The following DMD variants were observed in gnomAD, a reference collection of about 807,000 sequenced individuals.
DMD encodes the protein mutant dystrophin.
Under a neutral mutation model 330.1 loss-of-function variants are expected in DMD, and 63 were observed. That is an observed-to-expected ratio of 0.19 (90% confidence interval 0.16 to 0.24). The LOEUF (loss-of-function observed/expected upper bound fraction) is 0.24. Among genes scored for constraint, DMD ranks in the 10% least tolerant of loss-of-function variants. The probability of loss-of-function intolerance (pLI) is 1.00; values close to 1 mark genes in which losing one functional copy is unlikely to be tolerated. For missense variants in DMD, 3,344 were observed against 2,684.1 expected (o/e 1.25, Z -5.43); for synonymous variants, 1,223 against 959.8 (o/e 1.27, Z -5.07).
intron 17 of DMD, among the ~76,000 whole-genome samples, chrX:32,525,210 G>A (rs916217666): frequency 8.9e-5 from 10 of 111,775 alleles, no homozygotes; most frequent in African/African-American, 3.3e-4. Context: ...AAACATCTCT[G>A]ATTTCCTTGC....
intron 4 of DMD, among the ~76,000 whole-genome samples, chrX:32,827,647 G>T (rs1427332707): frequency 1.1e-5 from 1 of 89,127 alleles, no homozygotes; most frequent in Non-Finnish European, 2.1e-5. Flanking sequence ...ATGTGTTCTT[G>T]TTATTAACTC....
intron 16 of DMD, among the ~76,000 whole-genome samples, chrX:32,564,007 TCCTCCCAC>T (rs2051378676): frequency 1.8e-5 from 2 of 111,528 alleles, no homozygotes; most frequent in South Asian, 7.4e-4. Context: ...CTCATCTACT[TCCTCCCAC>T]CCTCCCACCT....
chrX:32,356,327 G>C (rs946338609), intron 37 of DMD, among the ~76,000 whole-genome samples: 5 of 92,884 alleles, frequency 5.4e-5, no homozygotes, highest in Non-Finnish European at 8.2e-5. Context: ...ACTTGTGAAA[G>C]TCTCTTATCC....
intron 2 of DMD, among the ~76,000 whole-genome samples, chrX:32,978,358 A>G (rs936481587): frequency 1.8e-5 from 2 of 112,407 alleles, no homozygotes; most frequent in African/African-American, 6.5e-5. Context: ...ATTTATATTA[A>G]ATATTTTCCA....
chrX:31,794,774 T>C (rs892342179), intron 50 of DMD, among the ~76,000 whole-genome samples: 1 of 110,086 alleles, frequency 9.1e-6, no homozygotes, highest in Non-Finnish European at 1.9e-5. Context: ...GTTAAACCAA[T>C]TGTTTAAAAA....
At chrX:32,258,778 G>A (rs767219827) in intron 43 of DMD, among the ~76,000 whole-genome samples, 4 of 110,789 alleles carry the variant, frequency 3.6e-5, no homozygotes, top group South Asian at 3.8e-4. Flanking sequence ...AAACCTGCCC[G>A]TTCTGCACGT....
At chrX:32,389,932 AC>A (rs1420667507) in intron 31 of DMD, 138 bp downstream of exon 31, 4 of 554,294 alleles carry the variant, frequency 7.2e-6, no homozygotes, top group Non-Finnish European at 1.2e-5. Flanking sequence ...AGAGCAAAAC[AC>A]TCATTGTTTA....
rs200203675 is a variant in DMD, at chrX:32,374,148, G to GT, written c.4845+6361dup. ...ACGTTCTTTGTCCTGTTTTTAATCT[G>GT]TTTTTTTTTAATTTCTTGTTGACAA... On this transcript the variant is annotated intron_variant, in intron 34 of 78. Coordinates refer to ENST00000357033, the MANE Select transcript of DMD (RefSeq NM_004006.3). Among the ~76,000 whole-genome samples the GT allele has an allele frequency of 2.5e-3, 271 of 108,622 alleles. 2 individuals are homozygous for GT. The highest frequency in any genetic ancestry group is 0.019 in the East Asian group (64 of 3,448). 94.3% of individuals were successfully genotyped at this position (108,622 alleles called of 115,157 possible). A position where few individuals can be genotyped will look rare whatever the true frequency, so the allele number is the denominator to read the frequency against.
rs1048419118 is a variant in DMD, at chrX:31,513,615, T to C, written c.8218-6162A>G. Among the ~76,000 whole-genome samples, 3 of 112,067 alleles carry C rather than the reference T, an allele frequency of 2.7e-5. No individual in the cohort carries two copies. The East Asian group carries it at 8.4e-4, about 31-fold the overall frequency. On this transcript the variant is annotated intron_variant, in intron 55 of 78. Transcript: ENST00000357033. ...CAAGCCTTCATTACTGCATTCACTGTATGCTCTCTAATTTTTTTCTTCTTT... is the reference window on the plus strand; with the variant it reads ...CAAGCCTTCATTACTGCATTCACTGCATGCTCTCTAATTTTTTTCTTCTTT...
intron 47 of DMD, among the ~76,000 whole-genome samples, chrX:31,929,175 G>C (rs928842305): frequency 2.7e-5 from 3 of 111,723 alleles, no homozygotes; most frequent in Admixed American, 1.9e-4. Context: ...TGTGGCGAAC[G>C]TTAGTGTACA....
At chrX:32,773,140 A>C (rs766625288) in intron 7 of DMD, among the ~76,000 whole-genome samples, 1 of 112,288 alleles carries the variant, frequency 8.9e-6, no homozygotes, top group African/African-American at 3.2e-5. Flanking sequence ...AACACCTTTG[A>C]CTGGAGGACA....
At chrX:32,985,562 C>T (rs1317138949) in intron 2 of DMD, among the ~76,000 whole-genome samples, 2 of 111,632 alleles carry the variant, frequency 1.8e-5, no homozygotes, top group South Asian at 3.7e-4. Context: ...AGTTTACTCC[C>T]GGAGAACCTT....
intron 60 of DMD, among the ~76,000 whole-genome samples, chrX:31,400,270 C>T (rs186995339): frequency 1.5e-3 from 170 of 111,580 alleles, no homozygotes; most frequent in African/African-American, 4.0e-3. Flanking sequence ...TTTGGAAAGG[C>T]GAATCAGATA....
chrX:32,605,782 CAT>C (rs34382557), intron 12 of DMD, among the ~76,000 whole-genome samples: 15,287 of 109,973 alleles, frequency 0.14, 885 homozygotes, highest in Middle Eastern at 0.2. Context: ...GGCCAACAAA[CAT>C]ATGAGAAAAT....
intron 4 of DMD, among the ~76,000 whole-genome samples, chrX:32,837,058 A>C (rs993664289): frequency 1.8e-5 from 2 of 111,803 alleles, no homozygotes; most frequent in Non-Finnish European, 3.8e-5. Context: ...GTCATCAAAT[A>C]GAAGTGGTAT....
chrX:32,382,657 T>C (rs1203339149), intron 33 of DMD, among the ~76,000 whole-genome samples: 1 of 108,849 alleles, frequency 9.2e-6, no homozygotes, highest in African/African-American at 3.3e-5. Context: ...CCCTTTTGAC[T>C]GCAAGAATTT....
At chrX:31,745,886 T>G (rs112018596) in intron 51 of DMD, among the ~76,000 whole-genome samples, 1 of 109,108 alleles carries the variant, frequency 9.2e-6, no homozygotes, top group Non-Finnish European at 1.9e-5. Context: ...AGGATTATTA[T>G]CAGTGATAAG....
Position 33,339,122 on chromosome X carries a change from A to G in DMD, c.7+137T>C, listed in dbSNP as rs5972817. ...AGGCAATTTTAAAATCCATTCTGTA[A>G]AAGCAACACTGTTTGCAGAGTTTGA... On this transcript the variant is annotated intron_variant, in intron 1 of 17. Coordinates refer to the DMD transcript ENST00000288447. 35 of 729,674 alleles carry G rather than the reference A, an allele frequency of 4.8e-5. No homozygotes were observed. The African/African-American group carries it at 7.5e-4, about 16-fold the overall frequency. The allele number at this position is 729,674 out of a possible 1,213,427, so 60.1% of individuals were successfully genotyped here. A position where few individuals can be genotyped will look rare whatever the true frequency, so the allele number is the denominator to read the frequency against.
At chrX:32,235,732 A>G (rs2097185367) in intron 43 of DMD, among the ~76,000 whole-genome samples, 1 of 111,621 alleles carries the variant, frequency 9.0e-6, no homozygotes, top group Admixed American at 9.5e-5. Context: ...AGTGGCCTTC[A>G]CTTTGTTTTC....
Sources: gnomAD v4.1 joint callset for allele counts (sites outside exome capture counted in the v4.1 genomes callset) on GRCh38, gnomAD v4.1.1 for gene constraint, MANE v1.5 for transcripts, NCBI Gene and HGNC (gene_info 2026-07-23, HGNC 2026-07-21) for gene names.